The following PIK3CD variants were observed in gnomAD, a reference collection of about 807,000 sequenced individuals.
The protein encoded by PIK3CD is phosphatidylinositol-4,5-bisphosphate 3-kinase catalytic subunit delta, also known as phosphatidylinositol 4,5-bisphosphate 3-kinase catalytic subunit delta isoform.
In PIK3CD, 20 loss-of-function variants were observed where a neutral mutation model predicts 122.9. The observed-to-expected ratio is 0.16, with a 90% CI of 0.11 to 0.24. The LOEUF is 0.24. PIK3CD is among the 10% of genes least tolerant of loss of function. The probability of loss-of-function intolerance (pLI) is 1.00; values close to 1 mark genes in which losing one functional copy is unlikely to be tolerated. For missense variants in PIK3CD, 787 were observed against 1,406.3 expected, an observed-to-expected ratio of 0.56 and a Z score of 7.04; for synonymous variants, 596 against 593.4, an observed-to-expected ratio of 1.00 and a Z score of -0.06.
rs376606452 is a variant in PIK3CD, at chr1:9,710,512, C to T, written c.57C>T (p.Ser19=). 6.8e-5 allele frequency: 110 copies of T among 1,613,958 alleles called. No individual in the cohort carries two copies. Among genetic ancestry groups the T allele is most frequent in the Non-Finnish European group, 9.1e-5 (107 of 1,179,960 alleles). The change falls in exon 3 of 24, where the codon AGC becomes AGT. Residue 19 remains serine, a synonymous_variant. Coordinates refer to ENST00000377346, the MANE Select transcript of PIK3CD (RefSeq NM_005026.5). The surrounding 1 kb of genome is among the most constrained non-coding windows in gnomAD (Gnocchi z 4.7). ...TCTGGACCAAGGAGGAGAATCAGAG[C>T]GTTGTGGTTGACTTCCTGCTGCCCA... ...MEFWTKEENQ[S]VVVDFLLPTG... is the part of the protein sequence containing the mutation.
chr1:9,697,197 C>A (rs1006121244), intron 2 of PIK3CD, among the ~76,000 whole-genome samples: 1 of 145,598 alleles, frequency 6.9e-6, no homozygotes, highest in African/African-American at 2.6e-5. Context: ...CATAGCAAGA[C>A]CCTGTCTCTA....
At chr1:9,682,998 C>T (rs1391055956) in intron 1 of PIK3CD, among the ~76,000 whole-genome samples, 4 of 148,918 alleles carry the variant, frequency 2.7e-5, no homozygotes, top group South Asian at 2.1e-4. Context: ...CATGGTGGGA[C>T]GTGTCAAACG....
Position 9,710,516 on chromosome 1 carries a change from G to A in PIK3CD, c.61G>A (p.Val21Met). The change falls in exon 3 of 24, where the codon GTG (valine) becomes ATG (methionine). Residue 21 changes from valine (V) to methionine (M), a missense_variant. This residue lies in a region of PIK3CD where 592 missense variants were observed against 920.6 expected (regional missense o/e 0.64). Transcript: ENST00000377346. This position sits in a 1 kb window ranked among gnomAD's most constrained non-coding sequence, Gnocchi z 4.7. ...FWTKEENQSVVVDFLLPTGVY... is the reference protein window; with the variant it reads ...FWTKEENQSVMVDFLLPTGVY... ...GACCAAGGAGGAGAATCAGAGCGTT[G>A]TGGTTGACTTCCTGCTGCCCACAGG... 1 of 1,614,166 alleles carries A rather than the reference G, an allele frequency of 6.2e-7. No individual in the cohort carries two copies. The highest frequency in any genetic ancestry group is 8.5e-7 in the Non-Finnish European group (1 of 1,180,020).
rs560053983 is a variant in PIK3CD at position 9,652,348 on chromosome 1, G to A, written c.-138+546G>A. Among the ~76,000 whole-genome samples the A allele has an allele frequency of 2.0e-5, 3 of 152,270 alleles. No individual in the cohort carries two copies. The East Asian group carries it at 5.8e-4, about 30-fold the overall frequency. Reference sequence around the variant, plus strand: ...GTTCGCCGGCGCCCGGGTCCTGTGCGCCCTTCCCAGCCTGGGCAAGTGGGG... The same window carrying A: ...GTTCGCCGGCGCCCGGGTCCTGTGCACCCTTCCCAGCCTGGGCAAGTGGGG... On this transcript the variant is annotated intron_variant, in intron 1 of 23. Coordinates refer to ENST00000377346, the MANE Select transcript of PIK3CD (RefSeq NM_005026.5). This position sits in a 1 kb window ranked among gnomAD's most constrained non-coding sequence, Gnocchi z 6.2.
intron 1 of PIK3CD, among the ~76,000 whole-genome samples, chr1:9,667,379 A>AT (rs201176777): frequency 2.2e-3 from 324 of 144,258 alleles, no homozygotes; most frequent in East Asian, 3.5e-3. Flanking sequence ...TATTGAAAGA[A>AT]TTTTTTTTTT....
chr1:9,692,260 G>A (rs939313728), intron 2 of PIK3CD, among the ~76,000 whole-genome samples: 2 of 152,156 alleles, frequency 1.3e-5, no homozygotes, highest in Non-Finnish European at 2.9e-5. Context: ...AACATATTCT[G>A]TGTGTACCCA....
intron 2 of PIK3CD, among the ~76,000 whole-genome samples, chr1:9,696,844 A>T (rs1646436372): frequency 6.7e-6 from 1 of 149,146 alleles, no homozygotes; most frequent in East Asian, 2.0e-4. Context: ...CCTTGTAATC[A>T]CAGCACTTTG....
At chr1:9,670,071 G>A (rs537553807) in intron 1 of PIK3CD, among the ~76,000 whole-genome samples, 1 of 151,210 alleles carries the variant, frequency 6.6e-6, no homozygotes, top group South Asian at 2.1e-4. Flanking sequence ...CTAATTAGGA[G>A]GCTGAGACAG....
intron 1 of PIK3CD, chr1:9,653,702 A>G (rs1644749543): frequency 1.1e-6 from 1 of 884,186 alleles, no homozygotes; most frequent in Admixed American, 2.5e-5. Context: ...GCAAGGAGAT[A>G]TAAATAGAGC....
intron 3 of PIK3CD, among the ~76,000 whole-genome samples, chr1:9,712,030 G>A (rs997498553): frequency 1.3e-5 from 2 of 151,886 alleles, no homozygotes; most frequent in Admixed American, 1.3e-4. Flanking sequence ...CCGAGTAGCT[G>A]GGACTACAGG....
intron 2 of PIK3CD, among the ~76,000 whole-genome samples, chr1:9,708,394 C>G (rs571704883): frequency 1.3e-5 from 2 of 151,958 alleles, no homozygotes; most frequent in East Asian, 3.9e-4. Context: ...GTTGGCCAGG[C>G]TGGTCTCGAA....
In PIK3CD at chr1:9,652,467, T is replaced by A. The variant is rs1285066914; in HGVS notation, c.-138+665T>A. 3 of 152,188 alleles carry A rather than the reference T, an allele frequency of 2.0e-5. No individual in the cohort carries two copies. Among genetic ancestry groups the A allele is most frequent in the African/African-American group, 7.2e-5 (3 of 41,458 alleles). The allele number at this position is 152,188 out of a possible 1,614,324, so 9.4% of individuals were successfully genotyped here. On this transcript the variant is annotated intron_variant, in intron 1 of 23. Coordinates refer to ENST00000377346, the MANE Select transcript of PIK3CD (RefSeq NM_005026.5). This position sits in a 1 kb window ranked among gnomAD's most constrained non-coding sequence, Gnocchi z 6.2. ...GCCTCCCAGTCCCGGGCCTCCCGCGTTGCTCGCCGCGTTTGCTGCAGCGGC... is the reference window on the plus strand; with the variant it reads ...GCCTCCCAGTCCCGGGCCTCCCGCGATGCTCGCCGCGTTTGCTGCAGCGGC...
At chr1:9,702,000 T>G (rs1359690767) in intron 2 of PIK3CD, among the ~76,000 whole-genome samples, 1 of 134,128 alleles carries the variant, frequency 7.5e-6, no homozygotes, top group African/African-American at 3.2e-5. Context: ...GTTTTTTTGG[T>G]TTTTTTTTTT....
intron 2 of PIK3CD, among the ~76,000 whole-genome samples, chr1:9,703,028 C>T (rs77964127): frequency 0.011 from 1,676 of 152,306 alleles, 41 homozygotes; most frequent in African/African-American, 0.038. Context: ...AGTTCGTCCT[C>T]AGGACCCAGG....
rs1014958797 is a variant in PIK3CD at position 9,719,742 on chromosome 1, C to G, written c.1243-179C>G. Among the ~76,000 whole-genome samples the G allele has an allele frequency of 1.6e-4, 24 of 151,940 alleles. No homozygotes were observed. The highest frequency in any genetic ancestry group is 1.6e-4 in the Non-Finnish European group (11 of 67,976). On this transcript the variant is annotated intron_variant, in intron 9 of 23. Coordinates refer to ENST00000377346, the MANE Select transcript of PIK3CD (RefSeq NM_005026.5). The surrounding 1 kb of genome is among the most constrained non-coding windows in gnomAD (Gnocchi z 5.5). ...GTCAGCTGGCTTCACCACTGGAGCCCTCAGAGGAAAGAGGAAAAAGCGGCT... is the reference window on the plus strand; with the variant it reads ...GTCAGCTGGCTTCACCACTGGAGCCGTCAGAGGAAAGAGGAAAAAGCGGCT...
intron 1 of PIK3CD, among the ~76,000 whole-genome samples, chr1:9,673,240 C>T (rs965612982): frequency 6.6e-6 from 1 of 151,698 alleles, no homozygotes; most frequent in East Asian, 1.9e-4. Context: ...GCAGGGATCA[C>T]ACACACCTGG....
At chr1:9,694,523 G>A (rs1426653616) in intron 2 of PIK3CD, among the ~76,000 whole-genome samples, 1 of 152,182 alleles carries the variant, frequency 6.6e-6, no homozygotes, top group Non-Finnish European at 1.5e-5. Flanking sequence ...GACAGAGTGA[G>A]ACTCCGTCTC....
upstream of PIK3CD, among the ~76,000 whole-genome samples, chr1:9,649,232 C>T (rs1027955324): frequency 4.6e-5 from 7 of 152,032 alleles, no homozygotes; most frequent in African/African-American, 1.4e-4. Context: ...CTCTCTCGCT[C>T]TTTTTCTTTT....
intron 2 of PIK3CD, among the ~76,000 whole-genome samples, chr1:9,709,314 G>A (rs1425294514): frequency 6.6e-6 from 1 of 152,052 alleles, no homozygotes; most frequent in African/African-American, 2.4e-5. Flanking sequence ...AAAGTGCTGG[G>A]ATTACAGATG....
Sources: allele counts gnomAD v4.1 joint callset (sites outside exome capture counted in the v4.1 genomes callset), GRCh38; gene constraint gnomAD v4.1.1; regional missense constraint gnomAD v4.1.1; non-coding constraint Gnocchi (gnomAD v3.1); transcripts MANE v1.5; gene names NCBI Gene and HGNC (gene_info 2026-07-23, HGNC 2026-07-21).